Variants in PPEF1 observed in about 807,000 individuals in gnomAD.
The protein encoded by PPEF1 is protein phosphatase with EF-hand domain 1.
Under a neutral mutation model 53.3 loss-of-function variants are expected in PPEF1, and 12 were observed. The observed-to-expected ratio is 0.23, with a 90% CI of 0.14 to 0.36. The LOEUF (loss-of-function observed/expected upper bound fraction) is 0.36, where lower values mean the gene tolerates loss of function less well. Ranked by LOEUF, PPEF1 falls within the 10% of genes least tolerant of loss-of-function variation. The pLI, the probability that PPEF1 is intolerant of heterozygous loss-of-function variation, is 1.00. For missense variants in PPEF1, 334 were observed against 490.4 expected (o/e 0.68, Z 3.01); for synonymous variants, 165 against 176.7 (o/e 0.93, Z 0.52).
At chrX:18,683,883 G>C (rs191212274) in intron 1 of PPEF1, among the ~76,000 whole-genome samples, 1 of 112,263 alleles carries the variant, frequency 8.9e-6, no homozygotes, top group African/African-American at 3.2e-5. Context: ...GAAGGAAGGT[G>C]CCTGGGTCCC....
intron 3 of PPEF1, among the ~76,000 whole-genome samples, chrX:18,748,506 C>T (rs1169436564): frequency 4.5e-5 from 5 of 112,309 alleles, no homozygotes; most frequent in East Asian, 5.5e-4. Flanking sequence ...GGTCATTATC[C>T]GCAAGAATAT....
At chrX:18,716,996 G>A (rs1055114501) in intron 1 of PPEF1, among the ~76,000 whole-genome samples, 14 of 108,979 alleles carry the variant, frequency 1.3e-4, no homozygotes, top group African/African-American at 4.3e-4. Flanking sequence ...TGCCTCTCCT[G>A]CTCATTCCGC....
At position 18,783,843 on chromosome X, in the gene PPEF1, A is replaced by G. The variant is rs377635460; in HGVS notation, c.763-56A>G. 14 of 1,119,825 alleles carry G rather than the reference A, an allele frequency of 1.3e-5. No homozygotes were observed. In the East Asian group the frequency reaches 1.5e-4, roughly 12 times the overall value. The allele number at this position is 1,119,825 out of a possible 1,213,427, so 92.3% of individuals were successfully genotyped here. ...TACTTTTTGTCCATACTTGGGGACT[A>G]TTCAATAAACTGAACCTGTCAGAAA... On this transcript the variant is annotated intron_variant, in intron 8 of 15. Transcript: ENST00000470157.
intron 4 of PPEF1, among the ~76,000 whole-genome samples, chrX:18,755,254 G>T (rs2045523274): frequency 9.0e-6 from 1 of 111,440 alleles, no homozygotes; most frequent in Non-Finnish European, 1.9e-5. Flanking sequence ...TAATGTAAAA[G>T]TGATCATTTA....
intron 3 of PPEF1, among the ~76,000 whole-genome samples, chrX:18,748,608 T>C (rs2045375915): frequency 8.9e-6 from 1 of 112,464 alleles, no homozygotes; most frequent in Admixed American, 9.5e-5. Flanking sequence ...CTTCTGCTGA[T>C]CTTGGCAGGT....
chrX:18,715,843 A>G (rs911911717), intron 1 of PPEF1, among the ~76,000 whole-genome samples: 1 of 112,333 alleles, frequency 8.9e-6, no homozygotes, highest in African/African-American at 3.2e-5. Context: ...ATTTATCCAC[A>G]TAACAGAAAT....
At chrX:18,700,591 G>C (rs1930044337) in intron 6 of PPEF1, among the ~76,000 whole-genome samples, 1 of 111,363 alleles carries the variant, frequency 9.0e-6, no homozygotes, top group Non-Finnish European at 1.9e-5. Flanking sequence ...AATGCTGGTT[G>C]TAAATCAGTT....
intron 5 of PPEF1, among the ~76,000 whole-genome samples, chrX:18,699,654 A>G (rs753422407): frequency 3.6e-5 from 4 of 111,502 alleles, no homozygotes; most frequent in African/African-American, 1.3e-4. Context: ...CAGCAAGATT[A>G]CAGGCCAACT....
intron 3 of PPEF1, chrX:18,690,816 C>T (rs903892359): frequency 8.9e-6 from 1 of 112,589 alleles, no homozygotes; most frequent in Non-Finnish European, 1.9e-5. Context: ...AGAAATAGTC[C>T]TCTCATCCAG....
chrX:18,685,684 C>CA (rs1212907646), intron 2 of PPEF1, among the ~76,000 whole-genome samples: 899 of 27,970 alleles, frequency 0.032, 15 homozygotes, highest in Middle Eastern at 0.061. Context: ...GACTCCATCT[C>CA]AAAAAAAAAA....
At chrX:18,708,790 A>G (rs779820080) in intron 1 of PPEF1, among the ~76,000 whole-genome samples, 2 of 112,323 alleles carry the variant, frequency 1.8e-5, no homozygotes, top group Non-Finnish European at 3.8e-5. Flanking sequence ...TAGGAGGTGT[A>G]CTGACTCTTT....
chrX:18,738,348 T>C (rs960101444), intron 3 of PPEF1, among the ~76,000 whole-genome samples: 1 of 111,732 alleles, frequency 8.9e-6, no homozygotes, highest in Non-Finnish European at 1.9e-5. Flanking sequence ...AGCATTTGCT[T>C]GTCTTTAAAG....
At chrX:18,825,192 T>C (rs1294696459) in intron 14 of PPEF1, among the ~76,000 whole-genome samples, 1 of 111,784 alleles carries the variant, frequency 8.9e-6, no homozygotes, top group East Asian at 2.8e-4. Context: ...AAGGAGCTGG[T>C]TGGAGCTAGG....
At chrX:18,675,326 C>T (rs1036004089), upstream of PPEF1, among the ~76,000 whole-genome samples, 1 of 113,798 alleles carries the variant, frequency 8.8e-6, no homozygotes, top group Non-Finnish European at 1.9e-5. Context: ...CGCGAGGGCC[C>T]CGCGCCTTCC....
At chrX:18,711,540 T>C (rs1383337854) in intron 1 of PPEF1, among the ~76,000 whole-genome samples, 2 of 111,950 alleles carry the variant, frequency 1.8e-5, no homozygotes, top group African/African-American at 6.5e-5. Context: ...TTTTCACGTA[T>C]GGTGTGAGGT....
At chrX:18,820,854 AC>A (rs1225044783) in intron 13 of PPEF1, among the ~76,000 whole-genome samples, 3 of 111,967 alleles carry the variant, frequency 2.7e-5, no homozygotes, top group African/African-American at 9.7e-5. Flanking sequence ...AAAGTCTCTG[AC>A]ATATACAACT....
In PPEF1 at chrX:18,761,572, A is replaced by C; in HGVS notation, c.554A>C (p.Tyr185Ser). ...CTGGATGATCTTTTTTTGATCTTCT[A>C]CAAGGTAAATGATGATTTTGCTAAA... ...GKLDDLFLIF[Y>S]KNGLPSERNP... The change falls in exon 6 of 16, where the codon TAC becomes TCC. Residue 185 changes from tyrosine (Y) to serine (S), a missense_variant. Physicochemically the swap from Tyr to Ser is moderately radical, Grantham distance 144. Coordinates refer to ENST00000470157, the MANE Select transcript of PPEF1 (RefSeq NM_001377996.1). The C allele has an allele frequency of 8.3e-7, 1 of 1,204,968 alleles. No individual in the cohort carries two copies. Among genetic ancestry groups the C allele is most frequent in the Non-Finnish European group, 1.1e-6 (1 of 889,553 alleles).
rs753051906 is a variant in PPEF1 at position 18,761,605 on chromosome X, A to G, written c.558+29A>G. On this transcript the variant is annotated intron_variant, in intron 6 of 15. Coordinates refer to ENST00000470157, the MANE Select transcript of PPEF1 (RefSeq NM_001377996.1). Reference sequence around the variant, plus strand: ...AATGATGATTTTGCTAAATATTAACATTTTTCTTGGGGGAGGGCAGTCTTA... The same window carrying G: ...AATGATGATTTTGCTAAATATTAACGTTTTTCTTGGGGGAGGGCAGTCTTA... 2.7e-6 allele frequency: 3 copies of G among 1,128,677 alleles called. No individual in the cohort carries two copies. The South Asian group carries it at 5.4e-5, about 20-fold the overall frequency. 93.0% of individuals were successfully genotyped at this position (1,128,677 alleles called of 1,213,427 possible).
At chrX:18,749,301 C>T (rs150777170) in intron 3 of PPEF1, among the ~76,000 whole-genome samples, 24 of 112,289 alleles carry the variant, frequency 2.1e-4, no homozygotes, top group African/African-American at 7.1e-4. Context: ...AAAACAAATC[C>T]GTTACAGCTA....
Sources: gnomAD v4.1 joint callset for allele counts (sites outside exome capture counted in the v4.1 genomes callset) on GRCh38, gnomAD v4.1.1 for gene constraint, MANE v1.5 for transcripts, NCBI Gene and HGNC (gene_info 2026-07-23, HGNC 2026-07-21) for gene names.